The following BEND6 variants were observed in gnomAD, a reference collection of about 807,000 sequenced individuals.
BEND6 encodes the protein BEN domain containing 6, also known as BEN domain-containing protein 6.
In BEND6, 24 loss-of-function variants were observed where a neutral mutation model predicts 31.8. The ratio of observed to expected loss-of-function variants is 0.75; its 90% CI spans 0.55 to 1.06. The LOEUF is 1.06. Ranked by LOEUF, BEND6 falls within the 50% of genes least tolerant of loss-of-function variation. The pLI is 0.00. For missense variants in BEND6, 294 were observed against 327.4 expected (o/e 0.90, Z 0.79); for synonymous variants, 109 against 114.6 (o/e 0.95, Z 0.31).
At chr6:56,998,618 A>G (rs1000321004) in intron 3 of BEND6, among the ~76,000 whole-genome samples, 5 of 152,186 alleles carry the variant, frequency 3.3e-5, no homozygotes, top group African/African-American at 4.8e-5. Flanking sequence ...TTAGACTCCA[A>G]AAAAATCAAC....
chr6:57,019,630 C>A (rs1260051078), intron 6 of BEND6, among the ~76,000 whole-genome samples: 2 of 152,190 alleles, frequency 1.3e-5, no homozygotes, highest in Non-Finnish European at 2.9e-5. Flanking sequence ...CATCCTCCCC[C>A]AAGAGTCCCT....
intron 1 of BEND6, among the ~76,000 whole-genome samples, chr6:56,978,320 T>G (rs1825960545): frequency 6.6e-6 from 1 of 151,932 alleles, no homozygotes; most frequent in Admixed American, 6.6e-5. Flanking sequence ...CAATTAAATG[T>G]GGAGGGTTTT....
At chr6:57,014,343 A>G in intron 3 of BEND6, 3 of 484,500 alleles carry the variant, frequency 6.2e-6, no homozygotes, top group South Asian at 7.7e-5. Context: ...AAGTACAAAA[A>G]AAGTTTCAGA....
chr6:57,001,597 T>C (rs1036289001), intron 3 of BEND6, among the ~76,000 whole-genome samples: 4 of 152,180 alleles, frequency 2.6e-5, no homozygotes, highest in African/African-American at 9.7e-5. Context: ...TCAGCATTCT[T>C]AAAACAAGAA....
intron 1 of BEND6, among the ~76,000 whole-genome samples, chr6:56,974,069 T>A (rs1825788268): frequency 6.6e-6 from 1 of 152,196 alleles, no homozygotes; most frequent in African/African-American, 2.4e-5. Flanking sequence ...TACAGATTAT[T>A]TATTTCTGGA....
intron 2 of BEND6, among the ~76,000 whole-genome samples, chr6:56,990,121 C>T (rs1826436203): frequency 6.6e-6 from 1 of 150,712 alleles, no homozygotes; most frequent in African/African-American, 2.4e-5. Flanking sequence ...ATTTTTTTTT[C>T]CAAATGGTTA....
intron 5 of BEND6, among the ~76,000 whole-genome samples, chr6:57,017,784 A>G (rs544189007): frequency 3.3e-5 from 5 of 152,352 alleles, no homozygotes; most frequent in Non-Finnish European, 7.4e-5. Context: ...TTTTTAAATT[A>G]ATGAATCTCC....
chr6:56,994,484 A>AAT, intron 3 of BEND6, among the ~76,000 whole-genome samples: 1 of 146,884 alleles, frequency 6.8e-6, no homozygotes, highest in South Asian at 2.2e-4. Flanking sequence ...AAAAAAAAAA[A>AAT]GGCATTAATC....
At chr6:56,998,940 T>C (rs992018866) in intron 3 of BEND6, among the ~76,000 whole-genome samples, 3 of 152,248 alleles carry the variant, frequency 2.0e-5, no homozygotes, top group South Asian at 2.1e-4. Flanking sequence ...AACAACCCAA[T>C]AGCAAAAAAT....
At chr6:56,976,358 G>A (rs1437532746) in intron 1 of BEND6, among the ~76,000 whole-genome samples, 1 of 151,600 alleles carries the variant, frequency 6.6e-6, no homozygotes, top group Non-Finnish European at 1.5e-5. Context: ...ACCATGCCCG[G>A]CTAATTTTTT....
At chr6:57,017,168 C>G in intron 4 of BEND6, 39 bp from the exon 5 acceptor site, 1 of 1,511,972 alleles carries the variant, frequency 6.6e-7, no homozygotes, top group Non-Finnish European at 8.9e-7. Flanking sequence ...CCATACAGCA[C>G]TTTCTTTTTC....
At chr6:57,008,238 G>A (rs757254083) in intron 3 of BEND6, 1 of 702,806 alleles carries the variant, frequency 1.4e-6, no homozygotes, top group East Asian at 2.7e-5. Flanking sequence ...AGCTGCCTCT[G>A]TTACCTTGAC....
At chr6:56,995,992 C>A (rs1399800470) in intron 3 of BEND6, among the ~76,000 whole-genome samples, 1 of 152,174 alleles carries the variant, frequency 6.6e-6, no homozygotes, top group African/African-American at 2.4e-5. Context: ...AAATCACCAG[C>A]CTTCCTCCTA....
In BEND6 at chr6:56,992,627, G is replaced by A. The variant is rs1039111240; in HGVS notation, c.298+72G>A. Reference sequence around the variant, plus strand: ...GATCAGTGGAAAGTATTGCAAATTAGCTGTCAAGAATGAAGAAGAAAATCC... The same window carrying A: ...GATCAGTGGAAAGTATTGCAAATTAACTGTCAAGAATGAAGAAGAAAATCC... On this transcript the variant is annotated intron_variant, in intron 3 of 6. Coordinates refer to ENST00000370746, the MANE Select transcript of BEND6 (RefSeq NM_152731.3). 8.2e-6 allele frequency: 12 copies of A among 1,460,594 alleles called. No homozygotes were observed. In the Admixed American group the frequency reaches 9.3e-5, roughly 11 times the overall value. 90.5% of individuals were successfully genotyped at this position (1,460,594 alleles called of 1,614,324 possible). A position where few individuals can be genotyped will look rare whatever the true frequency, so the allele number is the denominator to read the frequency against.
At chr6:56,961,935 C>A (rs2127837769) in intron 1 of BEND6, among the ~76,000 whole-genome samples, 1 of 152,262 alleles carries the variant, frequency 6.6e-6, no homozygotes, top group African/African-American at 2.4e-5. Flanking sequence ...GAGTGGAATG[C>A]TATGGTTTAA....
chr6:56,974,826 T>A (rs1366500496), intron 1 of BEND6, among the ~76,000 whole-genome samples: 1 of 152,168 alleles, frequency 6.6e-6, no homozygotes, highest in East Asian at 1.9e-4. Context: ...ATACTCTATT[T>A]AAAGGCAAAG....
chr6:57,022,462 CG>C (rs984923645), intron 6 of BEND6, among the ~76,000 whole-genome samples: 4 of 150,672 alleles, frequency 2.7e-5, no homozygotes, highest in African/African-American at 9.8e-5. Context: ...TGTGTGGTCT[CG>C]GTTATTATGT....
intron 6 of BEND6, among the ~76,000 whole-genome samples, chr6:57,019,414 C>A (rs1157756851): frequency 6.6e-6 from 1 of 152,136 alleles, no homozygotes; most frequent in Admixed American, 6.5e-5. Flanking sequence ...TAAGGCCCAC[C>A]ACAGATATTC....
At chr6:56,964,508 C>G in intron 1 of BEND6, among the ~76,000 whole-genome samples, 1 of 146,416 alleles carries the variant, frequency 6.8e-6, no homozygotes. Context: ...GTCTTTTTGT[C>G]TTTTTTTTTT....
Sources: gnomAD v4.1 joint callset for allele counts (sites outside exome capture counted in the v4.1 genomes callset) on GRCh38, gnomAD v4.1.1 for gene constraint, MANE v1.5 for transcripts, NCBI Gene and HGNC (gene_info 2026-07-23, HGNC 2026-07-21) for gene names.